The following CTNNA2 variants were observed in gnomAD, a reference collection of about 807,000 sequenced individuals.
CTNNA2 encodes catenin alpha 2.
CTNNA2 carries 42 observed loss-of-function variants against 101.0 expected under a neutral mutation model. That is an observed-to-expected ratio of 0.42 (90% CI 0.32 to 0.54). CTNNA2 has a LOEUF of 0.54. CTNNA2 is among the 20% of genes least tolerant of loss of function. The probability of loss-of-function intolerance (pLI) is 0.14; values close to 1 mark genes in which losing one functional copy is unlikely to be tolerated. For synonymous variants in CTNNA2, 450 were observed against 456.4 expected (o/e 0.99, Z 0.18); for missense variants, 871 against 1,223.1 (o/e 0.71, Z 4.29).
chr2:80,456,218 A>G (rs934000630), intron 9 of CTNNA2, among the ~76,000 whole-genome samples: 3 of 152,208 alleles, frequency 2.0e-5, no homozygotes, highest in African/African-American at 4.8e-5. Context: ...CCCGGGTTGT[A>G]GACCAATGCT....
In CTNNA2 at chr2:79,339,545, T is replaced by C. The variant is rs548771996; in HGVS notation, c.-318+26749T>C. The stretch of plus-strand genomic sequence containing the variant: ...TTCTTTGCAGTTTTCAAATGATTTT[T>C]ACAATGTAAGTTATCATACCTGATT... On this transcript the variant is annotated intron_variant, in intron 3 of 21. Transcript: ENST00000466387. 2.0e-5 allele frequency: 3 copies of C among 152,334 alleles called. No homozygotes were observed. The South Asian group carries it at 6.2e-4, about 32-fold the overall frequency. 9.4% of individuals were successfully genotyped at this position (152,334 alleles called of 1,614,324 possible). A position where few individuals can be genotyped will look rare whatever the true frequency, so the allele number is the denominator to read the frequency against.
In CTNNA2 at chr2:80,271,934, G is replaced by T. The variant is rs116476812; in HGVS notation, c.1057-121277G>T. ...TTTCATATCAGACTGATCCATAAGA[G>T]AGTCTTTTAGTGAGTGCTTTCTGCC... On this transcript the variant is annotated intron_variant, in intron 7 of 18. Transcript: ENST00000402739. Among the ~76,000 whole-genome samples, 810 of 152,264 alleles carry T rather than the reference G, an allele frequency of 5.3e-3. 10 individuals carry two copies. Among genetic ancestry groups the T allele is most frequent in the African/African-American group, 0.018 (759 of 41,556 alleles).
intron 9 of CTNNA2, among the ~76,000 whole-genome samples, chr2:80,542,117 T>TAA (rs60690540): frequency 4.4e-5 from 6 of 135,692 alleles, no homozygotes; most frequent in African/African-American, 1.6e-4. Context: ...AGATTCTTTT[T>TAA]AAAAAAAAAG....
chr2:80,419,319 A>G, intron 8 of CTNNA2, 130 bp from the exon 9 acceptor site: 1 of 693,790 alleles, frequency 1.4e-6, no homozygotes, highest in South Asian at 2.0e-5. Flanking sequence ...AAGCACTGGG[A>G]AAATTTTAAA....
At chr2:79,218,111 A>G (rs1674290381) in intron 2 of CTNNA2, among the ~76,000 whole-genome samples, 1 of 152,320 alleles carries the variant, frequency 6.6e-6, no homozygotes, top group South Asian at 2.1e-4. Context: ...CTTGAAGCTT[A>G]CAGAACATCA....
intron 7 of CTNNA2, among the ~76,000 whole-genome samples, chr2:80,024,088 GAA>G (rs1158051768): frequency 1.3e-4 from 7 of 54,738 alleles, no homozygotes; most frequent in Non-Finnish European, 7.8e-5. Flanking sequence ...CTCCGTCTCA[GAA>G]AAAAAAAAAA....
chr2:80,207,907 TAGTC>T (rs1707629558), intron 7 of CTNNA2, among the ~76,000 whole-genome samples: 1 of 151,784 alleles, frequency 6.6e-6, no homozygotes, highest in Non-Finnish European at 1.5e-5. Context: ...TGAGAAAGAA[TAGTC>T]AGGCAGCTGA....
chr2:80,582,281 T>C (rs17019409), intron 14 of CTNNA2, among the ~76,000 whole-genome samples: 48,326 of 151,988 alleles, frequency 0.32, 8,496 homozygotes, highest in East Asian at 0.52. Flanking sequence ...TGGCCTATGT[T>C]CTATGATATC....
intron 9 of CTNNA2, among the ~76,000 whole-genome samples, chr2:80,513,141 AG>A (rs1458579648): frequency 6.6e-6 from 1 of 152,212 alleles, no homozygotes; most frequent in African/African-American, 2.4e-5. Flanking sequence ...ACCAGAAACT[AG>A]GTTCTACATG....
rs770146356 is a variant in CTNNA2 at position 79,874,225 on chromosome 2, A to G, written c.735A>G (p.Lys245=). ...GAGCCAACCGAGATTATGTGTTCAA[A>G]CAAGTCCAGGAGGCCATCGCCGGCA... ...ATRANRDYVF[K]QVQEAIAGIS... Residue 245 remains lysine (K), a synonymous_variant, in exon 6 of 19, where the codon AAA becomes AAG. Coordinates refer to ENST00000402739, the MANE Select transcript of CTNNA2 (RefSeq NM_001282597.3). 3.1e-6 allele frequency: 5 copies of G among 1,614,094 alleles called. No individual in the cohort carries two copies. The South Asian group carries it at 5.5e-5, about 18-fold the overall frequency.
intron 7 of CTNNA2, among the ~76,000 whole-genome samples, chr2:80,384,367 C>T (rs1409545665): frequency 1.3e-5 from 2 of 149,884 alleles, no homozygotes; most frequent in Non-Finnish European, 3.0e-5. Context: ...ATCCTTGTGA[C>T]ATGAGTTTAC....
chr2:79,344,077 C>T (rs965849946), intron 3 of CTNNA2, among the ~76,000 whole-genome samples: 1 of 152,088 alleles, frequency 6.6e-6, no homozygotes, highest in African/African-American at 2.4e-5. Flanking sequence ...CAGTCCTGGG[C>T]AGCCACTTTC....
intron 9 of CTNNA2, among the ~76,000 whole-genome samples, chr2:80,510,452 C>T (rs1243343186): frequency 6.6e-6 from 1 of 152,194 alleles, no homozygotes; most frequent in African/African-American, 2.4e-5. Context: ...TGCTGACCTG[C>T]CTGTCAGATT....
chr2:80,263,460 G>A (rs546696253), intron 7 of CTNNA2, among the ~76,000 whole-genome samples: 148 of 152,146 alleles, frequency 9.7e-4, no homozygotes, highest in African/African-American at 3.2e-3. Context: ...TCAGCTTCTC[G>A]AGTAGATGGG....
chr2:80,286,819 G>T lies in CTNNA2; in HGVS notation c.1057-106392G>T, dbSNP rs549364277. Among the ~76,000 whole-genome samples the T allele has an allele frequency of 2.0e-5, 3 of 152,156 alleles. No individual in the cohort carries two copies. The South Asian group carries it at 6.2e-4, about 32-fold the overall frequency. On this transcript the variant is annotated intron_variant, in intron 7 of 18. Coordinates refer to ENST00000402739, the MANE Select transcript of CTNNA2 (RefSeq NM_001282597.3). ...TAGTATTCATCCTATTCTACCTTTGGTTGTCATTATGTATGTGGATGTTGT... is the reference window on the plus strand; with the variant it reads ...TAGTATTCATCCTATTCTACCTTTGTTTGTCATTATGTATGTGGATGTTGT...
chr2:79,943,928 A>G (rs1475452795), intron 7 of CTNNA2, among the ~76,000 whole-genome samples: 2 of 152,210 alleles, frequency 1.3e-5, no homozygotes, highest in Non-Finnish European at 2.9e-5. Flanking sequence ...TAGTTCTAGT[A>G]TAATCCATGT....
intron 2 of CTNNA2, among the ~76,000 whole-genome samples, chr2:79,280,667 G>GAA (rs56739500): frequency 1.2e-5 from 1 of 81,212 alleles, no homozygotes; most frequent in Non-Finnish European, 2.4e-5. Context: ...AAGAGAAAGA[G>GAA]AGAGAGAGAG....
upstream of CTNNA2, among the ~76,000 whole-genome samples, chr2:79,510,288 A>T (rs1383587377): frequency 1.3e-5 from 2 of 152,326 alleles, no homozygotes; most frequent in South Asian, 4.1e-4. Context: ...GAAATGAAGG[A>T]CAACACTTAA....
In CTNNA2 at chr2:79,332,003, C is replaced by T. The variant is rs565229834; in HGVS notation, c.-318+19207C>T. 7.2e-5 allele frequency among the ~76,000 whole-genome samples: 11 copies of T among 152,196 alleles called. No homozygotes were observed. In the South Asian group the frequency reaches 2.3e-3, roughly 32 times the overall value. ...TGTTTTATCTAAATATATGTCATGACATATATCAGCTCTGCCACAGTTCTA... is the reference window on the plus strand; with the variant it reads ...TGTTTTATCTAAATATATGTCATGATATATATCAGCTCTGCCACAGTTCTA... On this transcript the variant is annotated intron_variant, in intron 3 of 21. Coordinates refer to the CTNNA2 transcript ENST00000466387.
Sources: gnomAD v4.1 joint callset for allele counts (sites outside exome capture counted in the v4.1 genomes callset) on GRCh38, gnomAD v4.1.1 for gene constraint, MANE v1.5 for transcripts, NCBI Gene and HGNC (gene_info 2026-07-23, HGNC 2026-07-21) for gene names.